ZNF90: variants seen among roughly 807,000 people sequenced by gnomAD.
ZNF90 encodes the protein zinc finger protein HTF9.
ZNF90 carries 11 observed loss-of-function variants against 12.0 expected under a neutral mutation model. The observed-to-expected ratio is 0.92, with a 90% CI of 0.58 to 1.52. The LOEUF is 1.52. Ranked by LOEUF, ZNF90 falls within the 40% of genes most tolerant of loss-of-function variation. The pLI is 0.00. For missense variants in ZNF90, 765 were observed against 711.5 expected (o/e 1.08, Z -0.86); for synonymous variants, 232 against 240.1 (o/e 0.97, Z 0.31).
At position 20,078,066 on chromosome 19, in the gene ZNF90, C is replaced by T. The variant is rs1351960266; in HGVS notation, c.-67C>T. On this transcript the variant is annotated 5_prime_UTR_variant, in exon 1 of 4. Transcript: ENST00000418063. ...AGCTGCTTCGTGTCTTCTTCTCCAG[C>T]CTCTGTGGCCCTGTGACCTGCAGGT... 3.7e-6 allele frequency: 6 copies of T among 1,608,366 alleles called. No homozygotes were observed. Among genetic ancestry groups the T allele is most frequent in the Admixed American group, 3.3e-5 (2 of 59,994 alleles).
At chr19:20,082,044 G>A (rs982099797) in intron 1 of ZNF90, among the ~76,000 whole-genome samples, 4 of 151,976 alleles carry the variant, frequency 2.6e-5, no homozygotes, top group East Asian at 3.9e-4. Flanking sequence ...GATTACAGGC[G>A]TGAGCCACCG....
At position 20,120,020 on chromosome 19, in the gene ZNF90, C is replaced by T. The variant is rs1046890142; in HGVS notation, c.*660C>T. Among the ~76,000 whole-genome samples, 2 of 152,040 alleles carry T rather than the reference C, an allele frequency of 1.3e-5. No homozygotes were observed. The highest frequency in any genetic ancestry group is 2.9e-5 in the Non-Finnish European group (2 of 68,004). On this transcript the variant is annotated 3_prime_UTR_variant, in exon 4 of 4. Transcript: ENST00000418063. ...AAAGATGATTATACTAGTGTGAAACCCTAGAAATAATAGAAAATTTGACAA... is the reference window on the plus strand; with the variant it reads ...AAAGATGATTATACTAGTGTGAAACTCTAGAAATAATAGAAAATTTGACAA...
chr19:20,089,446 A>G (rs1467648130), intron 1 of ZNF90, among the ~76,000 whole-genome samples: 1 of 152,148 alleles, frequency 6.6e-6, no homozygotes, highest in African/African-American at 2.4e-5. Flanking sequence ...GGAAGGCTCC[A>G]GTTGTTTCAG....
intron 3 of ZNF90, chr19:20,117,495 T>A: frequency 1.3e-5 from 6 of 472,676 alleles, no homozygotes; most frequent in Non-Finnish European, 1.6e-5. Flanking sequence ...TGGAGTGCAG[T>A]GGTGTGATCT....
chr19:20,089,790 G>C (rs10419563), intron 1 of ZNF90, among the ~76,000 whole-genome samples: 1 of 152,030 alleles, frequency 6.6e-6, no homozygotes, highest in Non-Finnish European at 1.5e-5. Context: ...GAGACGGGGG[G>C]TGTTGCCCAG....
At chr19:20,089,864 T>C (rs562396025) in intron 1 of ZNF90, among the ~76,000 whole-genome samples, 44 of 152,068 alleles carry the variant, frequency 2.9e-4, no homozygotes, top group African/African-American at 1.1e-3. Flanking sequence ...AAGGCAGCAG[T>C]TGTTCGCCAA....
At position 20,117,900 on chromosome 19, in the gene ZNF90, GGTT is replaced by G. The variant is rs1568294033; in HGVS notation, c.349_351del (p.Cys117del). 6.2e-7 allele frequency: 1 copy of G among 1,612,114 alleles called. No homozygotes were observed. On this transcript the variant is annotated inframe_deletion, in exon 4 of 4. Transcript: ENST00000418063. The stretch of plus-strand genomic sequence containing the variant: ...ATATGGCAATTTAGAGTTAAAAAAA[GGTT>G]GTGAAAGTGTGGATGAGGGTAAAGT...
At chr19:20,085,487 C>T (rs553323632) in intron 1 of ZNF90, among the ~76,000 whole-genome samples, 1 of 152,210 alleles carries the variant, frequency 6.6e-6, no homozygotes, top group African/African-American at 2.4e-5. Context: ...GTCTCGATCT[C>T]CTGACCTCGT....
intron 1 of ZNF90, among the ~76,000 whole-genome samples, chr19:20,079,234 C>G (rs1456679724): frequency 6.6e-6 from 1 of 150,954 alleles, no homozygotes; most frequent in African/African-American, 2.4e-5. Flanking sequence ...CAGTGAATAA[C>G]TCTGGCATGG....
chr19:20,078,221 C>T (rs532790235), intron 1 of ZNF90, 86 bp downstream of exon 1: 4 of 1,550,820 alleles, frequency 2.6e-6, no homozygotes, highest in East Asian at 4.5e-5. Flanking sequence ...TTAGGCCTCC[C>T]CGCAGTCAGC....
Position 20,099,682 on chromosome 19 carries a change from G to C in ZNF90, c.4-4557G>C, listed in dbSNP as rs57228195. The stretch of plus-strand genomic sequence containing the variant: ...TAAGTTGTGACTGGAGAACTTTGCT[G>C]TCTTCACATGCTTTTCTAATTATGC... On this transcript the variant is annotated intron_variant, in intron 1 of 3. Transcript: ENST00000418063. Among the ~76,000 whole-genome samples the C allele has an allele frequency of 6.7e-3, 1,025 of 152,280 alleles. 9 individuals are homozygous for C. Among genetic ancestry groups the C allele is most frequent in the African/African-American group, 0.023 (970 of 41,554 alleles).
chr19:20,117,013 TTGTGTGTGTGTGTGTG>T (rs371655051), intron 3 of ZNF90, among the ~76,000 whole-genome samples: 46 of 128,666 alleles, frequency 3.6e-4, no homozygotes, highest in Non-Finnish European at 6.7e-4. Context: ...CAACTTACAT[TTGTGTGTGTGTGTGTG>T]TGTGTGTGTG....
chr19:20,090,517 C>T (rs138161490), intron 1 of ZNF90, among the ~76,000 whole-genome samples: 67 of 152,186 alleles, frequency 4.4e-4, no homozygotes, highest in African/African-American at 1.4e-3. Flanking sequence ...TGCAGGCGGA[C>T]GGCAGTCGGG....
intron 3 of ZNF90, 148 bp downstream of exon 3, chr19:20,105,464 T>G (rs2089028347): frequency 4.6e-6 from 3 of 651,098 alleles, no homozygotes; most frequent in East Asian, 3.4e-5. Flanking sequence ...TGTTTTTAAT[T>G]TGGCTCTCAC....
chr19:20,107,190 G>T, intron 3 of ZNF90: 2 of 360,464 alleles, frequency 5.5e-6, no homozygotes, highest in South Asian at 4.2e-5. Flanking sequence ...AAAGGCCAAT[G>T]TCTTCATGCC....
At chr19:20,105,141 ATCT>A (rs1372400010) in intron 2 of ZNF90, 77 bp from the exon 3 acceptor site, 32 of 1,051,228 alleles carry the variant, frequency 3.0e-5, no homozygotes, top group Middle Eastern at 2.2e-4. Context: ...ATTTTATCAC[ATCT>A]TCTCTGCTGA....
At position 20,118,992 on chromosome 19, in the gene ZNF90, C is replaced by G; in HGVS notation, c.1438C>G (p.Leu480Val). 1 of 1,608,374 alleles carries G rather than the reference C, an allele frequency of 6.2e-7. No homozygotes were observed. The change falls in exon 4 of 4, where the codon CTC becomes GTC. Residue 480 changes from leucine (L) to valine (V), a missense_variant. Coordinates refer to ENST00000418063, the MANE Select transcript of ZNF90 (RefSeq NM_007138.2). The part of the protein sequence containing the change: ...THKISHTEEK[L>V]YKCQECDKAF... ...TAAGATAAGTCATACTGAAGAGAAA[C>G]TCTACAAATGTCAAGAATGTGACAA...
At chr19:20,115,619 T>G (rs1328281987) in intron 3 of ZNF90, among the ~76,000 whole-genome samples, 1 of 152,000 alleles carries the variant, frequency 6.6e-6, no homozygotes, top group Admixed American at 6.6e-5. Context: ...GAAAATGCTC[T>G]TATATGTGAA....
intron 1 of ZNF90, among the ~76,000 whole-genome samples, chr19:20,091,700 G>A (rs1393947212): frequency 2.6e-5 from 4 of 152,306 alleles, no homozygotes; most frequent in Non-Finnish European, 5.9e-5. Context: ...CTTGAGCAGA[G>A]TTTTTATTAA....
Sources: gnomAD v4.1 joint callset for allele counts (sites outside exome capture counted in the v4.1 genomes callset) on GRCh38, gnomAD v4.1.1 for gene constraint, MANE v1.5 for transcripts, NCBI Gene and HGNC (gene_info 2026-07-23, HGNC 2026-07-21) for gene names.